Variants in MARCHF1 observed in about 807,000 individuals in gnomAD.
MARCHF1 encodes E3 ubiquitin-protein ligase MARCHF1.
A neutral mutation model predicts 54.2 loss-of-function variants in MARCHF1; 40 were observed. That is an observed-to-expected ratio of 0.74 (90% CI 0.57 to 0.96). The LOEUF is 0.96. Among genes scored for constraint, MARCHF1 ranks in the 40% least tolerant of loss-of-function variants. MARCHF1 has a pLI of 0.00. For synonymous variants in MARCHF1, 236 were observed against 236.3 expected (o/e 1.00, Z 0.01); for missense variants, 586 against 656.5 (o/e 0.89, Z 1.17).
rs368441105 is a variant in MARCHF1, at chr4:163,528,852, C to T, written c.1534G>A (p.Val512Ile). 49 of 1,613,240 alleles carry T rather than the reference C, an allele frequency of 3.0e-5. No homozygotes were observed. The highest frequency in any genetic ancestry group is 4.0e-5 in the Non-Finnish European group (47 of 1,179,544). Residue 512 changes from valine to isoleucine, a missense_variant, in exon 10 of 10, where the codon GTA becomes ATA. By Grantham distance (29) the Val-to-Ile change is conservative. Coordinates refer to ENST00000514618, the MANE Select transcript of MARCHF1 (RefSeq NM_001394959.1). ...ACAGCATCTTTGATGTCTGTGTTTA[C>T]ATTACATGAGAAGTTCTTCTCCAGT... ...KKLEKNFSCN[V>I]NTDIKDAVVV...
chr4:164,099,674 T>C (rs1165812078), intron 2 of MARCHF1, among the ~76,000 whole-genome samples: 1 of 152,148 alleles, frequency 6.6e-6, no homozygotes, highest in East Asian at 1.9e-4. Flanking sequence ...AAGTCAGAGT[T>C]GTTAATTATG....
chr4:163,915,437 C>A (rs970559204), intron 3 of MARCHF1, among the ~76,000 whole-genome samples: 3 of 151,842 alleles, frequency 2.0e-5, no homozygotes, highest in Admixed American at 1.3e-4. Flanking sequence ...ATTATCACAA[C>A]CAAGAAAAGC....
At position 163,770,410 on chromosome 4, in the gene MARCHF1, T is replaced by C. The variant is rs529549154; in HGVS notation, c.112-69547A>G. Among the ~76,000 whole-genome samples, 36 of 152,312 alleles carry C rather than the reference T, an allele frequency of 2.4e-4. No individual in the cohort carries two copies. In the South Asian group the frequency reaches 2.7e-3, roughly 11 times the overall value. The stretch of plus-strand genomic sequence containing the variant: ...TACCCACAGATACACATCTGCTTTG[T>C]TGCTAGACTGCCTTAAGAATAAACT... On this transcript the variant is annotated intron_variant, in intron 4 of 9. Transcript: ENST00000514618.
chr4:163,727,409 G>A (rs1165032843), intron 4 of MARCHF1, among the ~76,000 whole-genome samples: 4 of 151,212 alleles, frequency 2.6e-5, no homozygotes, highest in East Asian at 1.9e-4. Context: ...CCAGGTTCAC[G>A]CCATTCTCCT....
At chr4:163,727,184 A>T (rs1420803387) in intron 4 of MARCHF1, among the ~76,000 whole-genome samples, 2 of 152,232 alleles carry the variant, frequency 1.3e-5, no homozygotes, top group African/African-American at 4.8e-5. Flanking sequence ...ATCCTGTAAA[A>T]ATAGTGGCTG....
chr4:163,875,063 A>C (rs1395253890), intron 3 of MARCHF1, among the ~76,000 whole-genome samples: 1 of 152,208 alleles, frequency 6.6e-6, no homozygotes, highest in African/African-American at 2.4e-5. Context: ...TTTATAAAAT[A>C]TCTCTATAAT....
At chr4:163,908,705 A>C (rs1217245213) in intron 3 of MARCHF1, among the ~76,000 whole-genome samples, 2 of 152,142 alleles carry the variant, frequency 1.3e-5, no homozygotes, top group African/African-American at 4.8e-5. Context: ...CCATTAAGGC[A>C]ATTAGAGGAC....
intron 3 of MARCHF1, among the ~76,000 whole-genome samples, chr4:163,888,633 A>G (rs778402565): frequency 3.3e-5 from 5 of 152,218 alleles, no homozygotes; most frequent in African/African-American, 1.2e-4. Flanking sequence ...GAGGTTTCCT[A>G]TATCTGTTTA....
At chr4:164,060,674 A>G (rs1406456772) in intron 2 of MARCHF1, among the ~76,000 whole-genome samples, 1 of 152,184 alleles carries the variant, frequency 6.6e-6, no homozygotes, top group Non-Finnish European at 1.5e-5. Context: ...AGCATTCTTT[A>G]TAGTCCCCTA....
intron 1 of MARCHF1, among the ~76,000 whole-genome samples, chr4:164,382,615 C>T (rs1260052286): frequency 6.6e-6 from 1 of 152,112 alleles, no homozygotes; most frequent in Non-Finnish European, 1.5e-5. Flanking sequence ...ATCTTTTTCA[C>T]GAGATATTCC....
At chr4:163,891,051 C>A (rs1750650534) in intron 3 of MARCHF1, among the ~76,000 whole-genome samples, 1 of 152,094 alleles carries the variant, frequency 6.6e-6, no homozygotes, top group Admixed American at 6.6e-5. Flanking sequence ...AAATTTCAAA[C>A]ACCAGAGACA....
chr4:164,309,254 C>CTGTGTGTG lies in MARCHF1; in HGVS notation c.-323+74608_-323+74615dup, dbSNP rs10577361. ...TCCCAAGTGCTGGTTAATTTCTAAC[C>CTGTGTGTG]TGTGTGTGTGTGTGTGTGTGTGTGT... On this transcript the variant is annotated intron_variant, in intron 1 of 9. Transcript: ENST00000514618. Among the ~76,000 whole-genome samples the CTGTGTGTG allele has an allele frequency of 1.1e-3, 165 of 147,952 alleles. 1 individual carries two copies. Among genetic ancestry groups the CTGTGTGTG allele is most frequent in the Middle Eastern group, 3.5e-3 (1 of 284 alleles).
intron 1 of MARCHF1, among the ~76,000 whole-genome samples, chr4:164,377,591 G>GCACACACACA (rs56204290): frequency 4.7e-4 from 71 of 149,512 alleles, no homozygotes; most frequent in South Asian, 8.5e-4. Context: ...TACTTTTTAT[G>GCACACACACA]CACACACACA....
At chr4:164,372,343 C>T (rs1731058508) in intron 1 of MARCHF1, among the ~76,000 whole-genome samples, 2 of 152,004 alleles carry the variant, frequency 1.3e-5, no homozygotes, top group Admixed American at 6.6e-5. Context: ...ACTGTATTGA[C>T]ATGAAAAAGA....
intron 3 of MARCHF1, among the ~76,000 whole-genome samples, chr4:163,914,073 A>G (rs1251985308): frequency 4.0e-5 from 4 of 99,094 alleles, no homozygotes; most frequent in Admixed American, 2.6e-4. Context: ...AATAATTTAC[A>G]TGATGTGGAA....
intron 2 of MARCHF1, among the ~76,000 whole-genome samples, chr4:164,017,746 G>T (rs1321475148): frequency 6.6e-6 from 1 of 150,520 alleles, no homozygotes; most frequent in Non-Finnish European, 1.5e-5. Flanking sequence ...TAGATTCAAT[G>T]CAGTAACAAG....
chr4:164,350,062 T>C (rs558122572), intron 1 of MARCHF1, among the ~76,000 whole-genome samples: 3 of 152,302 alleles, frequency 2.0e-5, no homozygotes, highest in South Asian at 4.1e-4. Flanking sequence ...ATGTTCACAA[T>C]GCATGTAAAA....
At chr4:163,888,043 T>A (rs953332859) in intron 3 of MARCHF1, among the ~76,000 whole-genome samples, 2 of 152,196 alleles carry the variant, frequency 1.3e-5, no homozygotes, top group South Asian at 2.1e-4. Context: ...TATAGGAAAG[T>A]ACTGACTTAA....
chr4:163,656,594 C>T (rs764662092), intron 5 of MARCHF1, among the ~76,000 whole-genome samples: 1 of 151,864 alleles, frequency 6.6e-6, no homozygotes, highest in East Asian at 1.9e-4. Flanking sequence ...CTGGCAGAGA[C>T]ACAACAACAA....
Sources: gnomAD v4.1 joint callset for allele counts (sites outside exome capture counted in the v4.1 genomes callset) on GRCh38, gnomAD v4.1.1 for gene constraint, MANE v1.5 for transcripts, NCBI Gene and HGNC (gene_info 2026-07-23, HGNC 2026-07-21) for gene names.